Variants in PSMA6 observed in about 807,000 individuals in gnomAD.
PSMA6 encodes the protein proteasome subunit alpha type-6.
For synonymous variants in PSMA6, 88 were observed against 97.7 expected (o/e 0.90, Z 0.59); for missense variants, 170 against 294.8 (o/e 0.58, Z 3.10).
At chr14:35,314,655 C>A in intron 6 of PSMA6, 200 bp downstream of exon 6, 1 of 516,254 alleles carries the variant, frequency 1.9e-6, no homozygotes, top group Non-Finnish European at 2.9e-6. Flanking sequence ...AAGCTTTTCT[C>A]CTTATTTCAG....
chr14:35,306,904 T>G (rs1294281850), intron 1 of PSMA6, among the ~76,000 whole-genome samples: 2 of 151,970 alleles, frequency 1.3e-5, no homozygotes, highest in Non-Finnish European at 2.9e-5. Flanking sequence ...CCTAACACTT[T>G]GGGAGGCCGA....
At position 35,310,228 on chromosome 14, in the gene PSMA6, C is replaced by T. The variant is rs1475347613; in HGVS notation, c.254-512C>T. 1.7e-5 allele frequency: 7 copies of T among 422,114 alleles called. No homozygotes were observed. The East Asian group carries it at 4.6e-4, about 28-fold the overall frequency. The allele number at this position is 422,114 out of a possible 1,614,324, so 26.1% of individuals were successfully genotyped here. A position where few individuals can be genotyped will look rare whatever the true frequency, so the allele number is the denominator to read the frequency against. ...TTTTGGAGACAGAGTCTCACTTTGT[C>T]GCCCAGGCTGCTCCGCCTCCTGGGT... On this transcript the variant is annotated intron_variant, in intron 3 of 6. Coordinates refer to ENST00000261479, the MANE Select transcript of PSMA6 (RefSeq NM_002791.3).
intron 1 of PSMA6, among the ~76,000 whole-genome samples, chr14:35,285,309 T>C (rs999528891): frequency 6.9e-6 from 1 of 144,082 alleles, no homozygotes; most frequent in Admixed American, 7.2e-5. Context: ...CACTGCACTC[T>C]AGCCAGAGTG....
chr14:35,284,799 A>C (rs1003372316), intron 1 of PSMA6, among the ~76,000 whole-genome samples: 1 of 152,132 alleles, frequency 6.6e-6, no homozygotes, highest in African/African-American at 2.4e-5. Flanking sequence ...TAATCATATG[A>C]TATCTTCAGT....
chr14:35,295,391 A>G (rs1320785694), intron 1 of PSMA6, among the ~76,000 whole-genome samples: 1 of 151,612 alleles, frequency 6.6e-6, no homozygotes, highest in East Asian at 1.9e-4. Flanking sequence ...CTTTATAATT[A>G]TTAATAACAT....
intron 1 of PSMA6, among the ~76,000 whole-genome samples, chr14:35,294,844 T>C (rs528447914): frequency 1.3e-5 from 2 of 152,152 alleles, no homozygotes; most frequent in East Asian, 3.9e-4. Flanking sequence ...AACTTTAGAA[T>C]CCTCCAAAGA....
chr14:35,308,995 G>A lies in PSMA6; in HGVS notation c.253G>A (p.Ala85Thr), dbSNP rs1282346363. Residue 85 changes from alanine to threonine, a missense_variant and splice_region_variant, in exon 3 of 7, where the codon GCT becomes ACT. Physicochemically the swap from Ala to Thr is moderately conservative, Grantham distance 58. Coordinates refer to ENST00000261479, the MANE Select transcript of PSMA6 (RefSeq NM_002791.3). ...TGGTTGTGTGATGACCGGAATGACA[G>A]GTAATTAATCTGTAGATATACAAGA... Reference protein sequence around the residue: ...NIGCVMTGMTADSRSQVQRAR... With the variant: ...NIGCVMTGMTTDSRSQVQRAR... 1 of 1,591,262 alleles carries A rather than the reference G, an allele frequency of 6.3e-7. No individual in the cohort carries two copies. Among genetic ancestry groups the A allele is most frequent in the Non-Finnish European group, 8.6e-7 (1 of 1,160,878 alleles).
intron 1 of PSMA6, among the ~76,000 whole-genome samples, chr14:35,296,704 C>T (rs768251036): frequency 2.0e-5 from 3 of 152,140 alleles, no homozygotes; most frequent in Non-Finnish European, 4.4e-5. Context: ...AGAAATTTCA[C>T]AAATGACTGA....
intron 1 of PSMA6, among the ~76,000 whole-genome samples, chr14:35,281,096 C>T (rs1436443956): frequency 6.6e-6 from 1 of 152,180 alleles, no homozygotes; most frequent in Non-Finnish European, 1.5e-5. Context: ...CCTTTCCCAT[C>T]TGACTTTGCT....
In PSMA6 at chr14:35,285,088, GT is replaced by G. The variant is rs751789472; in HGVS notation, c.19+6371del. Among the ~76,000 whole-genome samples the G allele has an allele frequency of 2.4e-4, 37 of 152,290 alleles. No homozygotes were observed. In the South Asian group the frequency reaches 3.7e-3, roughly 15 times the overall value. ...AAAACTGGAGTCAGGTGCGATGACT[GT>G]AATCCCAGCACTTTGGGAGGCCGAG... On this transcript the variant is annotated intron_variant, in intron 1 of 6. Coordinates refer to the PSMA6 transcript ENST00000540871.
intron 1 of PSMA6, among the ~76,000 whole-genome samples, chr14:35,284,407 AG>A (rs2051399632): frequency 6.6e-6 from 1 of 152,112 alleles, no homozygotes; most frequent in Non-Finnish European, 1.5e-5. Flanking sequence ...TGAGCATATA[AG>A]GTCATTTTCT....
upstream of PSMA6, among the ~76,000 whole-genome samples, chr14:35,287,397 T>C (rs868166907): frequency 6.6e-6 from 1 of 152,096 alleles, no homozygotes; most frequent in African/African-American, 2.4e-5. Context: ...CCTGCTAATA[T>C]CATATGGAAA....
chr14:35,309,673 G>A (rs2051902144), intron 3 of PSMA6, among the ~76,000 whole-genome samples: 1 of 152,206 alleles, frequency 6.6e-6, no homozygotes. Context: ...ACGCACACCT[G>A]TAATCCCAGC....
At position 35,292,396 on chromosome 14, in the gene PSMA6, C is replaced by A; in HGVS notation, c.-81C>A. The A allele has an allele frequency of 6.5e-7, 1 of 1,543,762 alleles. No individual in the cohort carries two copies. Among genetic ancestry groups the A allele is most frequent in the South Asian group, 1.2e-5 (1 of 81,388 alleles). ...GCTGGTACCCCGGAAGCAGTCGCTG[C>A]AACTTCCGGGAGGTGCTTGTGTGCC... is the stretch of plus-strand genomic sequence containing the variant. On this transcript the variant is annotated 5_prime_UTR_variant, in exon 1 of 7. Transcript: ENST00000261479.
At position 35,308,091 on chromosome 14, in the gene PSMA6, A is replaced by G. The variant is rs898415161; in HGVS notation, c.171+3A>G. The G allele has an allele frequency of 8.1e-6, 13 of 1,613,362 alleles. No homozygotes were observed. Among genetic ancestry groups the G allele is most frequent in the African/African-American group, 1.3e-5 (1 of 74,912 alleles). ...TTGTCACACAGAAGAAAGTACCTGT[A>G]AGTAATACTGCCCAAATAGTTAATA... On this transcript the variant is annotated splice_donor_region_variant and intron_variant, in intron 2 of 6. Coordinates refer to ENST00000261479, the MANE Select transcript of PSMA6 (RefSeq NM_002791.3).
intron 6 of PSMA6, chr14:35,314,659 A>G: frequency 4.2e-6 from 2 of 479,522 alleles, no homozygotes; most frequent in Middle Eastern, 4.0e-4. Context: ...TTTTCTCCTT[A>G]TTTCAGAGTG....
upstream of PSMA6, among the ~76,000 whole-genome samples, chr14:35,290,100 G>A (rs2051461929): frequency 6.6e-6 from 1 of 152,024 alleles, no homozygotes; most frequent in Non-Finnish European, 1.5e-5. Context: ...TTTCAAACGT[G>A]GGGTTTTGAG....
intron 1 of PSMA6, among the ~76,000 whole-genome samples, chr14:35,283,754 T>C (rs1258432925): frequency 1.3e-5 from 2 of 151,890 alleles, no homozygotes; most frequent in African/African-American, 4.8e-5. Flanking sequence ...TTTTTGTAGA[T>C]AAAGGGTTTT....
chr14:35,311,370 G>A (rs1397354427), intron 4 of PSMA6, among the ~76,000 whole-genome samples: 1 of 152,188 alleles, frequency 6.6e-6, no homozygotes, highest in South Asian at 2.1e-4. Context: ...GAGATTTACT[G>A]ATTTTTAGAT....
Sources: allele counts gnomAD v4.1 joint callset (sites outside exome capture counted in the v4.1 genomes callset), GRCh38; gene constraint gnomAD v4.1.1; transcripts MANE v1.5; gene names NCBI Gene and HGNC (gene_info 2026-07-23, HGNC 2026-07-21).